The following PTPDC1 variants were observed in gnomAD, a reference collection of about 807,000 sequenced individuals.
The protein encoded by PTPDC1 is protein tyrosine phosphatase domain containing 1.
In PTPDC1, 53 loss-of-function variants were observed where a neutral mutation model predicts 75.3. That is an observed-to-expected ratio of 0.70 (90% confidence interval 0.56 to 0.88). The LOEUF (loss-of-function observed/expected upper bound fraction) is 0.88. Ranked by LOEUF, PTPDC1 falls within the 40% of genes least tolerant of loss-of-function variation. The pLI, the probability that PTPDC1 is intolerant of heterozygous loss-of-function variation, is 0.00. For synonymous variants in PTPDC1, 349 were observed against 366.2 expected, an observed-to-expected ratio of 0.95 and a Z score of 0.54; for missense variants, 925 against 998.6, an observed-to-expected ratio of 0.93 and a Z score of 0.99.
intron 2 of PTPDC1, among the ~76,000 whole-genome samples, chr9:94,067,140 A>T (rs1159976397): frequency 1.3e-5 from 2 of 152,096 alleles, no homozygotes; most frequent in Non-Finnish European, 2.9e-5. Flanking sequence ...CTGTAATCTC[A>T]GCACTTTGGG....
chr9:94,049,573 C>T (rs912693667), intron 1 of PTPDC1, among the ~76,000 whole-genome samples: 12 of 152,276 alleles, frequency 7.9e-5, no homozygotes, highest in Non-Finnish European at 1.0e-4. Context: ...GAGTTTCTGC[C>T]GAGAGATCCG....
chr9:94,049,475 C>CT (rs1825719502), intron 1 of PTPDC1, among the ~76,000 whole-genome samples: 1 of 152,166 alleles, frequency 6.6e-6, no homozygotes, highest in Non-Finnish European at 1.5e-5. Flanking sequence ...ACTTATGAAG[C>CT]TTAGTTTGGC....
chr9:94,032,997 G>T (rs1829756293), intron 1 of PTPDC1, among the ~76,000 whole-genome samples: 1 of 152,128 alleles, frequency 6.6e-6, no homozygotes, highest in South Asian at 2.1e-4. Flanking sequence ...AAGTAGGTGG[G>T]ATTACTGCTG....
intron 1 of PTPDC1, among the ~76,000 whole-genome samples, chr9:94,037,167 A>G (rs1017367029): frequency 3.9e-5 from 6 of 152,014 alleles, no homozygotes; most frequent in African/African-American, 9.7e-5. Flanking sequence ...GACTAATTCA[A>G]CTCTTAGGTG....
intron 6 of PTPDC1, among the ~76,000 whole-genome samples, chr9:94,099,719 T>G (rs1827768157): frequency 6.6e-6 from 1 of 152,252 alleles, no homozygotes; most frequent in Non-Finnish European, 1.5e-5. Context: ...GGCATTACTG[T>G]GTGTTAAGAG....
At chr9:94,066,330 AG>A (rs1340365825) in intron 2 of PTPDC1, among the ~76,000 whole-genome samples, 1 of 152,206 alleles carries the variant, frequency 6.6e-6, no homozygotes, top group Admixed American at 6.5e-5. Flanking sequence ...TCTGCTTTAT[AG>A]CTAATTTTAT....
In PTPDC1 at chr9:94,071,361, G is replaced by C. The variant is rs138193339; in HGVS notation, c.82+6540G>C. ...ATCCACTATTTTTTTTTACTGTTGA[G>C]TTTTAAGAGTTCTTTATATACTCTA... On this transcript the variant is annotated intron_variant, in intron 2 of 9. Coordinates refer to the PTPDC1 transcript ENST00000375360. Among the ~76,000 whole-genome samples, 137 of 151,014 alleles carry C rather than the reference G, an allele frequency of 9.1e-4. 1 individual carries two copies. Among genetic ancestry groups the C allele is most frequent in the African/African-American group, 2.8e-3 (117 of 41,094 alleles).
chr9:94,074,480 A>G (rs1265104489), intron 2 of PTPDC1, among the ~76,000 whole-genome samples: 2 of 152,142 alleles, frequency 1.3e-5, no homozygotes, highest in Admixed American at 1.3e-4. Context: ...TTGTTTCTGC[A>G]AGGTGTGACT....
At chr9:94,064,522 T>C (rs1826237682) in intron 1 of PTPDC1, among the ~76,000 whole-genome samples, 2 of 152,202 alleles carry the variant, frequency 1.3e-5, no homozygotes, top group South Asian at 4.1e-4. Context: ...ATTATTGAGG[T>C]ATTTTACATT....
At chr9:94,076,835 T>C (rs550994062) in intron 2 of PTPDC1, among the ~76,000 whole-genome samples, 1 of 152,272 alleles carries the variant, frequency 6.6e-6, no homozygotes, top group South Asian at 2.1e-4. Context: ...TACATCCCCA[T>C]TGATACTTAT....
intron 1 of PTPDC1, among the ~76,000 whole-genome samples, chr9:94,044,093 C>G (rs1825514173): frequency 6.6e-6 from 1 of 152,042 alleles, no homozygotes. Flanking sequence ...AATGTAAATC[C>G]TGCAACTTTG....
At chr9:94,035,651 G>T (rs1366722649) in intron 1 of PTPDC1, among the ~76,000 whole-genome samples, 4 of 152,200 alleles carry the variant, frequency 2.6e-5, no homozygotes, top group African/African-American at 9.6e-5. Flanking sequence ...TGGGCATGCA[G>T]ACATCTCTTC....
chr9:94,098,074 T>A lies in PTPDC1; in HGVS notation c.1508T>A (p.Val503Asp), dbSNP rs373328762. Residue 503 changes from valine (V) to aspartate (D), a missense_variant, in exon 6 of 9, where the codon GTT (valine) becomes GAT (aspartate). Physicochemically the swap from Val to Asp is radical, Grantham distance 152. Coordinates refer to ENST00000620992, the MANE Select transcript of PTPDC1 (RefSeq NM_001253829.2). Reference sequence around the variant, plus strand: ...CCAGACTTACACAAGGAAGCCTTGGTTCGCAGCACACTTTCTTTCTGGAGT... The same window carrying A: ...CCAGACTTACACAAGGAAGCCTTGGATCGCAGCACACTTTCTTTCTGGAGT... ...PEPDLHKEAL[V>D]RSTLSFWSQS... is the part of the protein sequence containing the mutation. 8.4e-5 allele frequency: 136 copies of A among 1,614,088 alleles called. No individual in the cohort carries two copies. The highest frequency in any genetic ancestry group is 1.1e-4 in the Non-Finnish European group (132 of 1,180,040).
At chr9:94,081,388 C>T (rs1349483233), upstream of PTPDC1, among the ~76,000 whole-genome samples, 1 of 152,138 alleles carries the variant, frequency 6.6e-6, no homozygotes, top group Non-Finnish European at 1.5e-5. Flanking sequence ...ATGGGCCAGG[C>T]ATGGTGGCAG....
rs150533410 is a variant in PTPDC1, at chr9:94,084,570, C to A, written c.40C>A (p.Arg14Ser). The stretch of plus-strand genomic sequence containing the variant: ...TGCAACCAGGCGGCCCTCAGCCGTG[C>A]GCTTCCTCAGCTCCTTTCTCCAGGG... Reference protein sequence around the residue: ...QDATRRPSAVRFLSSFLQGRR... With the variant: ...QDATRRPSAVSFLSSFLQGRR... The change falls in exon 1 of 9, where the codon CGC becomes AGC. Residue 14 changes from arginine to serine, a missense_variant. Coordinates refer to ENST00000620992, the MANE Select transcript of PTPDC1 (RefSeq NM_001253829.2). The A allele has an allele frequency of 9.9e-6, 16 of 1,613,288 alleles. No homozygotes were observed. The South Asian group carries it at 1.8e-4, about 18-fold the overall frequency.
At chr9:94,043,727 AT>A (rs1825504171) in intron 1 of PTPDC1, among the ~76,000 whole-genome samples, 1 of 152,218 alleles carries the variant, frequency 6.6e-6, no homozygotes, top group Non-Finnish European at 1.5e-5. Context: ...TCTCAAAAAA[AT>A]AAAAACTCAT....
At chr9:94,065,999 C>T (rs1826291913) in intron 2 of PTPDC1, among the ~76,000 whole-genome samples, 1 of 152,260 alleles carries the variant, frequency 6.6e-6, no homozygotes, top group Non-Finnish European at 1.5e-5. Flanking sequence ...GTAAATGTTA[C>T]CTCTTAGTTG....
upstream of PTPDC1, among the ~76,000 whole-genome samples, chr9:94,081,809 G>A (rs1461936055): frequency 1.3e-5 from 2 of 152,074 alleles, no homozygotes; most frequent in Non-Finnish European, 2.9e-5. Context: ...TGAAAGATCT[G>A]GAAACAATTA....
At chr9:94,088,106 C>G (rs1297598118) in intron 3 of PTPDC1, 39 bp from the exon 4 acceptor site, 1 of 1,590,128 alleles carries the variant, frequency 6.3e-7, no homozygotes, top group South Asian at 1.2e-5. Context: ...TTTTTAAATG[C>G]TAGCTCCCAA....
Sources: gnomAD v4.1 joint callset for allele counts (sites outside exome capture counted in the v4.1 genomes callset) on GRCh38, gnomAD v4.1.1 for gene constraint, MANE v1.5 for transcripts, NCBI Gene and HGNC (gene_info 2026-07-23, HGNC 2026-07-21) for gene names.